The following BDKRB1 variants were observed in gnomAD, a reference collection of about 807,000 sequenced individuals.
BDKRB1 encodes bradykinin receptor B1, also known as B1 bradykinin receptor.
For synonymous variants in BDKRB1, 192 were observed against 189.1 expected (o/e 1.02, Z -0.13); for missense variants, 414 against 441.4 (o/e 0.94, Z 0.56).
rs750457490 is a variant in BDKRB1, at chr14:96,264,094, G to T, written c.412G>T (p.Val138Leu). The change falls in exon 3 of 3, where the codon GTG becomes TTG. Residue 138 changes from valine to leucine, a missense_variant. Val to Leu is a conservative substitution (Grantham distance 32). Coordinates refer to ENST00000216629, the MANE Select transcript of BDKRB1 (RefSeq NM_000710.4). ...GGCCATCAGCCAGGACCGCTACCGC[G>T]TGCTGGTGCACCCTATGGCCAGCCG... The part of the protein sequence containing the change: ...VVAISQDRYR[V>L]LVHPMASRRQ... The T allele has an allele frequency of 6.2e-7, 1 of 1,604,364 alleles. No homozygotes were observed. Among genetic ancestry groups the T allele is most frequent in the South Asian group, 1.1e-5 (1 of 88,454 alleles).
At position 96,263,753 on chromosome 14, in the gene BDKRB1, C is replaced by T. The variant is rs778928912; in HGVS notation, c.71C>T (p.Thr24Met). The part of the protein sequence containing the change: ...NQSQLFPQNA[T>M]ACDNAPEAWD... The stretch of plus-strand genomic sequence containing the variant: ...AGCCAGCTCTTCCCTCAAAATGCTA[C>T]GGCCTGTGACAATGCTCCAGAAGCC... Residue 24 changes from threonine (T) to methionine (M), a missense_variant, in exon 3 of 3, where the codon ACG (threonine) becomes ATG (methionine). By Grantham distance (81) the Thr-to-Met change is moderately conservative (BLOSUM62 -1). Transcript: ENST00000216629. 4.3e-5 allele frequency: 70 copies of T among 1,614,090 alleles called. No individual in the cohort carries two copies. The South Asian group carries it at 4.5e-4, about 10-fold the overall frequency.
rs1885821412 is a variant in BDKRB1 at position 96,263,944 on chromosome 14, T to A, written c.262T>A (p.Leu88Met). The A allele has an allele frequency of 1.2e-6, 2 of 1,614,146 alleles. No individual in the cohort carries two copies. Among genetic ancestry groups the A allele is most frequent in the African/African-American group, 1.3e-5 (1 of 74,956 alleles). The stretch of plus-strand genomic sequence containing the variant: ...GGCAGCCTCTGATCTGGTGTTTGTC[T>A]TGGGCTTGCCCTTCTGGGCAGAGAA... ...NLAASDLVFV[L>M]GLPFWAENIW... The change falls in exon 3 of 3, where the codon TTG becomes ATG. Residue 88 changes from leucine to methionine, a missense_variant. Leu to Met is a conservative substitution (Grantham distance 15). Coordinates refer to ENST00000216629, the MANE Select transcript of BDKRB1 (RefSeq NM_000710.4).
Position 96,264,289 on chromosome 14 carries a change from A to C in BDKRB1, c.607A>C (p.Ile203Leu), listed in dbSNP as rs1444976676. ...LPHEAWHFAR[I>L]VELNILGFLL... ...CCATGAGGCCTGGCACTTTGCAAGG[A>C]TTGTGGAGTTAAATATTCTGGGTTT... Residue 203 changes from isoleucine (I) to leucine (L), a missense_variant, in exon 3 of 3, where the codon ATT becomes CTT. Transcript: ENST00000216629. 6.2e-7 allele frequency: 1 copy of C among 1,614,148 alleles called. No homozygotes were observed. Among genetic ancestry groups the C allele is most frequent in the African/African-American group, 1.3e-5 (1 of 75,040 alleles).
At chr14:96,257,132 A>G (rs75584767) in intron 1 of BDKRB1, among the ~76,000 whole-genome samples, 2,153 of 152,346 alleles carry the variant, frequency 0.014, 42 homozygotes, top group African/African-American at 0.049. Context: ...AGGTGAGGAC[A>G]ATCCCTTTAA....
Position 96,264,154 on chromosome 14 carries a change from T to C in BDKRB1, c.472T>C (p.Cys158Arg), listed in dbSNP as rs139063137. The C allele has an allele frequency of 1.2e-5, 20 of 1,600,834 alleles. No individual in the cohort carries two copies. The African/African-American group carries it at 2.4e-4, about 19-fold the overall frequency. Reference protein sequence around the residue: ...QQRRRQARVTCVLIWVVGGLL... With the variant: ...QQRRRQARVTRVLIWVVGGLL... ...GCGGCGGAGGCAGGCCCGGGTCACC[T>C]GCGTGCTCATCTGGGTTGTGGGGGG... Residue 158 changes from cysteine (C) to arginine (R), a missense_variant, in exon 3 of 3, where the codon TGC becomes CGC. Physicochemically the swap from Cys to Arg is radical, Grantham distance 180 (BLOSUM62 -3). Coordinates refer to ENST00000216629, the MANE Select transcript of BDKRB1 (RefSeq NM_000710.4).
Position 96,264,441 on chromosome 14 carries a change from C to G in BDKRB1, c.759C>G (p.Leu253=), listed in dbSNP as rs1885842840. 7 of 1,614,216 alleles carry G rather than the reference C, an allele frequency of 4.3e-6. No homozygotes were observed. The highest frequency in any genetic ancestry group is 5.9e-6 in the Non-Finnish European group (7 of 1,180,042). ...ATAGCAAGACCACAGCGCTGATCCTCACGCTCGTGGTTGCCTTCCTGGTCT... is the reference window on the plus strand; with the variant it reads ...ATAGCAAGACCACAGCGCTGATCCTGACGCTCGTGGTTGCCTTCCTGGTCT... The part of the protein sequence containing the change: ...RKDSKTTALI[L]TLVVAFLVCW... Residue 253 remains leucine (L), a synonymous_variant, in exon 3 of 3, where the codon CTC becomes CTG. Transcript: ENST00000216629.
chr14:96,264,087 C>T lies in BDKRB1; in HGVS notation c.405C>T (p.Arg135=), dbSNP rs764436193. ...TGGTGGTGGCCATCAGCCAGGACCG[C>T]TACCGCGTGCTGGTGCACCCTATGG... ...IFLVVAISQD[R]YRVLVHPMAS... Residue 135 remains arginine, a synonymous_variant, in exon 3 of 3, where the codon CGC becomes CGT. Transcript: ENST00000216629. 3 of 1,605,590 alleles carry T rather than the reference C, an allele frequency of 1.9e-6. No homozygotes were observed. In the South Asian group the frequency reaches 3.4e-5, roughly 18 times the overall value.
At chr14:96,257,458 C>A (rs1885642336) in intron 1 of BDKRB1, among the ~76,000 whole-genome samples, 1 of 152,224 alleles carries the variant, frequency 6.6e-6, no homozygotes, top group Non-Finnish European at 1.5e-5. Context: ...TGTTCTCCAT[C>A]CCCATGATTC....
At chr14:96,262,932 C>G (rs1885791138) in intron 2 of BDKRB1, among the ~76,000 whole-genome samples, 162 bp downstream of exon 2, 1 of 152,038 alleles carries the variant, frequency 6.6e-6, no homozygotes, top group South Asian at 2.1e-4. Context: ...CCGGCCAATA[C>G]TCATGTTTTT....
chr14:96,264,197 C>T lies in BDKRB1; in HGVS notation c.515C>T (p.Thr172Ile), dbSNP rs943944986. 1.2e-6 allele frequency: 2 copies of T among 1,611,900 alleles called. No homozygotes were observed. The highest frequency in any genetic ancestry group is 8.5e-7 in the Non-Finnish European group (1 of 1,178,450). Residue 172 changes from threonine (T) to isoleucine (I), a missense_variant, in exon 3 of 3, where the codon ACA (threonine) becomes ATA (isoleucine). Physicochemically the swap from Thr to Ile is moderately conservative, Grantham distance 89. Coordinates refer to ENST00000216629, the MANE Select transcript of BDKRB1 (RefSeq NM_000710.4). ...WVVGGLLSIP[T>I]FLLRSIQAVP... Reference sequence around the variant, plus strand: ...GTGGGGGGCCTCTTGAGCATCCCCACATTCCTGCTGCGATCCATCCAAGCC... The same window carrying T: ...GTGGGGGGCCTCTTGAGCATCCCCATATTCCTGCTGCGATCCATCCAAGCC...
chr14:96,260,014 C>T (rs372525771), intron 1 of BDKRB1: 3 of 145,326 alleles, frequency 2.1e-5, no homozygotes, highest in African/African-American at 7.6e-5. Context: ...AGAACCGTGT[C>T]TTAGGGTGCA....
In BDKRB1 at chr14:96,261,845, A is replaced by T. The variant is rs561720006; in HGVS notation, c.-129-807A>T. ...GCAGATAGTATTCTGTGGATCCCTG[A>T]GTTGGCTGTGGCCGGTTTTGCCAGC... On this transcript the variant is annotated intron_variant, in intron 1 of 2. Coordinates refer to ENST00000216629, the MANE Select transcript of BDKRB1 (RefSeq NM_000710.4). Among the ~76,000 whole-genome samples the T allele has an allele frequency of 9.8e-5, 15 of 152,336 alleles. No homozygotes were observed. The South Asian group carries it at 3.1e-3, about 32-fold the overall frequency.
chr14:96,263,458 T>C (rs995380569), intron 2 of BDKRB1, among the ~76,000 whole-genome samples: 1 of 152,210 alleles, frequency 6.6e-6, no homozygotes, highest in Non-Finnish European at 1.5e-5. Flanking sequence ...CAGGAACAGA[T>C]GGTAAATATC....
intron 2 of BDKRB1, 24 bp from the exon 3 acceptor site, chr14:96,263,649 T>A: frequency 6.4e-7 from 1 of 1,571,842 alleles, no homozygotes; most frequent in Non-Finnish European, 8.6e-7. Context: ...CTTCCTGTTT[T>A]ATTCTACCTT....
intron 1 of BDKRB1, among the ~76,000 whole-genome samples, chr14:96,262,164 A>G (rs1452390156): frequency 6.6e-6 from 1 of 152,256 alleles, no homozygotes; most frequent in Non-Finnish European, 1.5e-5. Flanking sequence ...GGGTCCATGC[A>G]GACCAAGGTT....
chr14:96,263,847 C>G lies in BDKRB1; in HGVS notation c.165C>G (p.Asn55Lys). ...ISICFFGLLG[N>K]LFVLLVFLLP... is the part of the protein sequence containing the mutation. ...TCTGTTTCTTCGGCCTCCTAGGGAA[C>G]CTTTTTGTCCTGTTGGTCTTCCTCC... is the stretch of plus-strand genomic sequence containing the variant. The change falls in exon 3 of 3, where the codon AAC becomes AAG. Residue 55 changes from asparagine to lysine, a missense_variant. By Grantham distance (94) the Asn-to-Lys change is moderately conservative. Coordinates refer to ENST00000216629, the MANE Select transcript of BDKRB1 (RefSeq NM_000710.4). 1 of 1,614,174 alleles carries G rather than the reference C, an allele frequency of 6.2e-7. No individual in the cohort carries two copies. Among genetic ancestry groups the G allele is most frequent in the Non-Finnish European group, 8.5e-7 (1 of 1,180,004 alleles).
intron 1 of BDKRB1, among the ~76,000 whole-genome samples, chr14:96,262,033 G>A (rs1167234764): frequency 6.6e-6 from 1 of 152,256 alleles, no homozygotes; most frequent in Non-Finnish European, 1.5e-5. Context: ...GCGTGGCTAT[G>A]AACATGAGCT....
chr14:96,258,478 G>T (rs1001752758), intron 1 of BDKRB1, among the ~76,000 whole-genome samples: 1 of 152,198 alleles, frequency 6.6e-6, no homozygotes. Flanking sequence ...GCCAGGCAGA[G>T]GCTGTTCTCA....
rs1885838656 is a variant in BDKRB1, at chr14:96,264,363, C to T, written c.681C>T (p.Ala227=). The change falls in exon 3 of 3, where the codon GCC becomes GCT. Residue 227 remains alanine, a synonymous_variant. Transcript: ENST00000216629. ...AIVFFNYHIL[A]SLRTREEVSR... is the part of the protein sequence containing the mutation. ...TCTTCTTCAACTACCACATCCTGGC[C>T]TCCCTGCGAACGCGGGAGGAGGTCA... The T allele has an allele frequency of 2.5e-6, 4 of 1,614,094 alleles. No homozygotes were observed. Among genetic ancestry groups the T allele is most frequent in the African/African-American group, 1.3e-5 (1 of 74,926 alleles).
Sources: allele counts gnomAD v4.1 joint callset (sites outside exome capture counted in the v4.1 genomes callset), GRCh38; gene constraint gnomAD v4.1.1; transcripts MANE v1.5; gene names NCBI Gene and HGNC (gene_info 2026-07-23, HGNC 2026-07-21).